The following ZBTB43 variants were observed in gnomAD, a reference collection of about 807,000 sequenced individuals.
The protein encoded by ZBTB43 is zinc finger and BTB domain containing 43, also known as zinc finger and BTB domain-containing protein 43.
Under a neutral mutation model 31.1 loss-of-function variants are expected in ZBTB43, and 6 were observed. The observed-to-expected ratio is 0.19, with a 90% CI of 0.11 to 0.38. The LOEUF is 0.38. ZBTB43 is among the 10% of genes least tolerant of loss of function. The pLI is 1.00. For missense variants in ZBTB43, 379 were observed against 602.1 expected (o/e 0.63, Z 3.88); for synonymous variants, 212 against 221.7 (o/e 0.96, Z 0.39).
At chr9:126,811,884 G>A (rs920089487) in intron 2 of ZBTB43, among the ~76,000 whole-genome samples, 3 of 152,132 alleles carry the variant, frequency 2.0e-5, no homozygotes, top group Admixed American at 6.5e-5. Flanking sequence ...TCGGCCTCCC[G>A]AAGTGCTGGG....
Position 126,833,342 on chromosome 9 carries a change from C to T in ZBTB43, c.833C>T (p.Thr278Ile). ...ACAGAGTCCATCAACACCGTGCAGACAGAGCACACGGTGCAGCCTTCGGGA... is the reference window on the plus strand; with the variant it reads ...ACAGAGTCCATCAACACCGTGCAGATAGAGCACACGGTGCAGCCTTCGGGA... ...QVTESINTVQ[T>I]EHTVQPSGVE... Residue 278 changes from threonine (T) to isoleucine (I), a missense_variant, in exon 3 of 3, where the codon ACA becomes ATA. Thr to Ile is a moderately conservative substitution (Grantham distance 89). This residue lies in a region of ZBTB43 where 253 missense variants were observed against 322.3 expected (regional missense o/e 0.79). Transcript: ENST00000373464. This position sits in a 1 kb window ranked among gnomAD's most constrained non-coding sequence, Gnocchi z 7.9. The T allele has an allele frequency of 6.2e-7, 1 of 1,612,978 alleles. No homozygotes were observed. The highest frequency in any genetic ancestry group is 1.7e-5 in the Admixed American group (1 of 59,790).
intron 2 of ZBTB43, among the ~76,000 whole-genome samples, chr9:126,821,376 TAAAAAAAA>T (rs1280840914): frequency 6.7e-6 from 1 of 150,128 alleles, no homozygotes; most frequent in African/African-American, 2.5e-5. Flanking sequence ...ACTCTGTCTT[TAAAAAAAA>T]AGAAAAAAAG....
chr9:126,832,535 G>A lies in ZBTB43; in HGVS notation c.26G>A (p.Arg9Gln), dbSNP rs578000038. ...ATGGAGCCTGGAACAAACTCTTTTCGGGTAGAATTTCCTGATTTTTCCAGC... is the reference window on the plus strand; with the variant it reads ...ATGGAGCCTGGAACAAACTCTTTTCAGGTAGAATTTCCTGATTTTTCCAGC... MEPGTNSFRVEFPDFSSTI... is the reference protein window; with the variant it reads MEPGTNSFQVEFPDFSSTI... The change falls in exon 3 of 3, where the codon CGG (arginine) becomes CAG (glutamine). Residue 9 changes from arginine to glutamine, a missense_variant. Arg to Gln is a conservative substitution (Grantham distance 43). Transcript: ENST00000373464. 1.6e-5 allele frequency: 26 copies of A among 1,608,130 alleles called. No individual in the cohort carries two copies. Among genetic ancestry groups the A allele is most frequent in the Non-Finnish European group, 1.9e-5 (22 of 1,175,002 alleles).
rs1375466856 is a variant in ZBTB43, at chr9:126,837,517, G to A, written c.*3604G>A. On this transcript the variant is annotated 3_prime_UTR_variant, in exon 3 of 3. Coordinates refer to ENST00000373464, the MANE Select transcript of ZBTB43 (RefSeq NM_014007.4). Reference sequence around the variant, plus strand: ...GAAGCTGCAAAGCTGTGCTTTCCCTGGGGAAGGGGATGTGCTGCGGCCTCC... The same window carrying A: ...GAAGCTGCAAAGCTGTGCTTTCCCTAGGGAAGGGGATGTGCTGCGGCCTCC... The A allele has an allele frequency of 1.2e-5, 2 of 167,150 alleles. No individual in the cohort carries two copies. The highest frequency in any genetic ancestry group is 6.5e-5 in the Admixed American group (1 of 15,292). The allele number at this position is 167,150 out of a possible 1,614,324, so 10.4% of individuals were successfully genotyped here.
At chr9:126,821,805 G>A (rs1223037733) in intron 2 of ZBTB43, among the ~76,000 whole-genome samples, 1 of 152,120 alleles carries the variant, frequency 6.6e-6, no homozygotes, top group Non-Finnish European at 1.5e-5. Flanking sequence ...TCTAACCTGT[G>A]GCCCAGGATG....
intron 2 of ZBTB43, among the ~76,000 whole-genome samples, chr9:126,821,183 A>G (rs1484203551): frequency 6.6e-6 from 1 of 152,016 alleles, no homozygotes; most frequent in African/African-American, 2.4e-5. Context: ...AGCCTAGCCA[A>G]CATGGTAAAA....
chr9:126,824,154 GTAAC>G (rs1258593835), intron 2 of ZBTB43, among the ~76,000 whole-genome samples: 1 of 152,024 alleles, frequency 6.6e-6, no homozygotes, highest in Non-Finnish European at 1.5e-5. Context: ...AGCCTCCCAA[GTAAC>G]TGGGATTACA....
rs1009235283 is a variant in ZBTB43, at chr9:126,836,582, G to C, written c.*2669G>C. On this transcript the variant is annotated 3_prime_UTR_variant, in exon 3 of 3. Coordinates refer to ENST00000373464, the MANE Select transcript of ZBTB43 (RefSeq NM_014007.4). ...GTTTTTACCTTTTTTTCATCCCCAC[G>C]TTGAGTTGGAGGAATAGTCTCTTCT... The C allele has an allele frequency of 6.0e-6, 1 of 166,912 alleles. No homozygotes were observed. The highest frequency in any genetic ancestry group is 1.5e-5 in the Non-Finnish European group (1 of 68,076). 10.3% of individuals were successfully genotyped at this position (166,912 alleles called of 1,614,324 possible).
intron 2 of ZBTB43, among the ~76,000 whole-genome samples, chr9:126,820,312 C>T (rs757976751): frequency 2.6e-5 from 4 of 152,114 alleles, no homozygotes; most frequent in African/African-American, 4.8e-5. Context: ...TCATTAGGGG[C>T]TAATGCAGCT....
At chr9:126,813,193 C>T (rs895831799) in intron 2 of ZBTB43, among the ~76,000 whole-genome samples, 8 of 151,998 alleles carry the variant, frequency 5.3e-5, no homozygotes, top group South Asian at 4.2e-4. Context: ...TTGGCCAGGC[C>T]GGTCTGGAAC....
rs1410428980 is a variant in ZBTB43 at position 126,834,130 on chromosome 9, T to C, written c.*217T>C. On this transcript the variant is annotated 3_prime_UTR_variant, in exon 3 of 3. Coordinates refer to ENST00000373464, the MANE Select transcript of ZBTB43 (RefSeq NM_014007.4). Reference sequence around the variant, plus strand: ...TCCTGGCCTGGAATGGGTAATGGGGTGAGTTAACCCACCGCCCAGCTGGCA... The same window carrying C: ...TCCTGGCCTGGAATGGGTAATGGGGCGAGTTAACCCACCGCCCAGCTGGCA... 11 of 479,644 alleles carry C rather than the reference T, an allele frequency of 2.3e-5. No homozygotes were observed. Among genetic ancestry groups the C allele is most frequent in the Non-Finnish European group, 3.6e-5 (10 of 276,532 alleles). The allele number at this position is 479,644 out of a possible 1,614,324, so 29.7% of individuals were successfully genotyped here. A position where few individuals can be genotyped will look rare whatever the true frequency, so the allele number is the denominator to read the frequency against.
At position 126,821,545 on chromosome 9, in the gene ZBTB43, A is replaced by G. The variant is rs2032509036; in HGVS notation, c.-23-10942A>G. On this transcript the variant is annotated intron_variant, in intron 2 of 2. Coordinates refer to ENST00000373464, the MANE Select transcript of ZBTB43 (RefSeq NM_014007.4). ...TTTGAGGGGCTCAAGACTTAAGTGG[A>G]GGAATTAATTGGAGATGTAGTGGAA... is the stretch of plus-strand genomic sequence containing the variant. 3.3e-5 allele frequency among the ~76,000 whole-genome samples: 5 copies of G among 152,302 alleles called. 1 individual carries two copies. In the South Asian group the frequency reaches 1.0e-3, roughly 32 times the overall value.
At chr9:126,811,096 C>G (rs986418286) in intron 2 of ZBTB43, among the ~76,000 whole-genome samples, 3 of 151,598 alleles carry the variant, frequency 2.0e-5, no homozygotes, top group African/African-American at 4.8e-5. Flanking sequence ...GTGTCACGCA[C>G]CTGTGGTCTC....
At chr9:126,826,995 C>G (rs1346642824) in intron 2 of ZBTB43, among the ~76,000 whole-genome samples, 1 of 152,138 alleles carries the variant, frequency 6.6e-6, no homozygotes, top group Non-Finnish European at 1.5e-5. Context: ...TTGTTGAGAA[C>G]TGGACATTTG....
At chr9:126,824,266 C>G (rs1361258746) in intron 2 of ZBTB43, among the ~76,000 whole-genome samples, 2 of 152,216 alleles carry the variant, frequency 1.3e-5, no homozygotes, top group African/African-American at 4.8e-5. Flanking sequence ...CTCAAATGAT[C>G]CACCTGCCTT....
chr9:126,811,090 C>G (rs1012593386), intron 2 of ZBTB43, among the ~76,000 whole-genome samples: 1 of 151,634 alleles, frequency 6.6e-6, no homozygotes, highest in African/African-American at 2.4e-5. Flanking sequence ...GGCGTGGTGT[C>G]ACGCACCTGT....
intron 2 of ZBTB43, among the ~76,000 whole-genome samples, chr9:126,824,944 T>G (rs1281462699): frequency 6.6e-6 from 1 of 152,192 alleles, no homozygotes; most frequent in African/African-American, 2.4e-5. Context: ...ATTTTTCTTT[T>G]GTGGTGGTGG....
At chr9:126,825,897 G>C (rs1416409561) in intron 2 of ZBTB43, among the ~76,000 whole-genome samples, 1 of 138,202 alleles carries the variant, frequency 7.2e-6, no homozygotes. Context: ...CCAGGCTGAA[G>C]TGCAGTGGTG....
chr9:126,824,432 C>T (rs1237976518), intron 2 of ZBTB43, among the ~76,000 whole-genome samples: 1 of 152,214 alleles, frequency 6.6e-6, no homozygotes, highest in Non-Finnish European at 1.5e-5. Flanking sequence ...TGAAGGACCC[C>T]TTTAGCATTT....
Sources: gnomAD v4.1 joint callset for allele counts (sites outside exome capture counted in the v4.1 genomes callset) on GRCh38, gnomAD v4.1.1 for gene constraint, gnomAD v4.1.1 regional missense constraint, Gnocchi (gnomAD v3.1) non-coding constraint, MANE v1.5 for transcripts, NCBI Gene and HGNC (gene_info 2026-07-23, HGNC 2026-07-21) for gene names.